TNFRSF1B: variants seen among roughly 807,000 people sequenced by gnomAD.
The protein encoded by TNFRSF1B is tumor necrosis factor receptor superfamily member 1B.
In TNFRSF1B, 19 loss-of-function variants were observed where a neutral mutation model predicts 44.6. That is an observed-to-expected ratio of 0.43 (90% CI 0.30 to 0.62). TNFRSF1B has a LOEUF of 0.62. Ranked by LOEUF, TNFRSF1B falls within the 20% of genes least tolerant of loss-of-function variation. The pLI, the probability that TNFRSF1B is intolerant of heterozygous loss-of-function variation, is 0.16. For synonymous variants in TNFRSF1B, 252 were observed against 261.1 expected (o/e 0.97, Z 0.34); for missense variants, 541 against 619.9 (o/e 0.87, Z 1.35).
At chr1:12,181,045 G>A (rs539773151) in intron 1 of TNFRSF1B, among the ~76,000 whole-genome samples, 1 of 152,090 alleles carries the variant, frequency 6.6e-6, no homozygotes, top group Non-Finnish European at 1.5e-5. Context: ...TCACAGCAGC[G>A]GGCCTGCCAT....
At chr1:12,192,825 C>A (rs1639177132) in intron 5 of TNFRSF1B, 38 bp from the exon 6 acceptor site, 3 of 1,564,992 alleles carry the variant, frequency 1.9e-6, no homozygotes, top group Non-Finnish European at 8.7e-7. Context: ...GCCACTCTGT[C>A]CCCTGCTGCC....
intron 8 of TNFRSF1B, among the ~76,000 whole-genome samples, chr1:12,197,891 C>T (rs955869626): frequency 1.4e-4 from 21 of 152,090 alleles, no homozygotes; most frequent in South Asian, 8.3e-4. Flanking sequence ...TTTGGGAGGC[C>T]GAGGGGGGCG....
rs1639350751 is a variant in TNFRSF1B at position 12,199,925 on chromosome 1, T to C, written c.901-2042T>C. ...GGATCAGAAAACAATCGCTTAGAATTCCAAGGCAAGGGTGTGAGCGCCTGG... is the reference window on the plus strand; with the variant it reads ...GGATCAGAAAACAATCGCTTAGAATCCCAAGGCAAGGGTGTGAGCGCCTGG... On this transcript the variant is annotated intron_variant, in intron 8 of 9. Coordinates refer to ENST00000376259, the MANE Select transcript of TNFRSF1B (RefSeq NM_001066.3). The surrounding 1 kb of genome is among the most constrained non-coding windows in gnomAD (Gnocchi z 4.0). Among the ~76,000 whole-genome samples the C allele has an allele frequency of 6.6e-6, 1 of 152,136 alleles. No individual in the cohort carries two copies. The highest frequency in any genetic ancestry group is 1.5e-5 in the Non-Finnish European group (1 of 68,032).
Position 12,193,984 on chromosome 1 carries a change from C to G in TNFRSF1B, c.817C>G (p.Leu273Val). ...GATTGTGGGTGTGACAGCCTTGGGTCTACTAATAATAGGAGTGGTGAACTG... is the reference window on the plus strand; with the variant it reads ...GATTGTGGGTGTGACAGCCTTGGGTGTACTAATAATAGGAGTGGTGAACTG... The part of the protein sequence containing the change: ...GLIVGVTALG[L>V]LIIGVVNCVI... The change falls in exon 7 of 10, where the codon CTA becomes GTA. Residue 273 changes from leucine (L) to valine (V), a missense_variant. Physicochemically the swap from Leu to Val is conservative, Grantham distance 32. Coordinates refer to ENST00000376259, the MANE Select transcript of TNFRSF1B (RefSeq NM_001066.3). 6.2e-7 allele frequency: 1 copy of G among 1,613,994 alleles called. No homozygotes were observed. The highest frequency in any genetic ancestry group is 8.5e-7 in the Non-Finnish European group (1 of 1,179,948).
Position 12,167,184 on chromosome 1 carries a change from C to T in TNFRSF1B, c.78+15C>T, listed in dbSNP as rs1342004954. The T allele has an allele frequency of 2.4e-6, 3 of 1,260,380 alleles. No individual in the cohort carries two copies. Among genetic ancestry groups the T allele is most frequent in the Admixed American group, 8.4e-5 (2 of 23,908 alleles). The allele number at this position is 1,260,380 out of a possible 1,614,324, so 78.1% of individuals were successfully genotyped here. ...TGCCCGCCCAGGTGGGTGACTCGCG[C>T]GGCCCACGGGGGACAGCCGCCCCGC... is the stretch of plus-strand genomic sequence containing the variant. On this transcript the variant is annotated intron_variant, in intron 1 of 9. Coordinates refer to ENST00000376259, the MANE Select transcript of TNFRSF1B (RefSeq NM_001066.3).
At chr1:12,176,174 G>A (rs763981282) in intron 1 of TNFRSF1B, among the ~76,000 whole-genome samples, 1 of 152,088 alleles carries the variant, frequency 6.6e-6, no homozygotes, top group South Asian at 2.1e-4. Flanking sequence ...AGCTGAGATC[G>A]CACCATTGCA....
intron 1 of TNFRSF1B, among the ~76,000 whole-genome samples, chr1:12,188,242 A>C (rs1639030353): frequency 6.6e-6 from 1 of 152,218 alleles, no homozygotes; most frequent in Non-Finnish European, 1.5e-5. Context: ...AAGGACAAGC[A>C]AGTAACCATT....
At chr1:12,206,117 G>A (rs1185731325) in intron 9 of TNFRSF1B, among the ~76,000 whole-genome samples, 1 of 152,180 alleles carries the variant, frequency 6.6e-6, no homozygotes, top group Non-Finnish European at 1.5e-5. Flanking sequence ...GCTGAGCACG[G>A]TGGCTCACAC....
rs901199236 is a variant in TNFRSF1B, at chr1:12,186,356, A to G, written c.79-2440A>G. 4.6e-5 allele frequency among the ~76,000 whole-genome samples: 7 copies of G among 152,160 alleles called. No homozygotes were observed. Among genetic ancestry groups the G allele is most frequent in the Non-Finnish European group, 8.8e-5 (6 of 68,010 alleles). On this transcript the variant is annotated intron_variant, in intron 1 of 9. Coordinates refer to ENST00000376259, the MANE Select transcript of TNFRSF1B (RefSeq NM_001066.3). This position sits in a 1 kb window ranked among gnomAD's most constrained non-coding sequence, Gnocchi z 4.8. ...GGGGAGGAGGAGGCACACTGAACCC[A>G]CCTGCTACGTTGGCTGGTGGAAATT...
rs17883924 is a variant in TNFRSF1B at position 12,174,738 on chromosome 1, C to T, written c.78+7569C>T. Among the ~76,000 whole-genome samples the T allele has an allele frequency of 6.0e-3, 916 of 152,284 alleles. 5 individuals carry two copies. Among genetic ancestry groups the T allele is most frequent in the Non-Finnish European group, 9.1e-3 (622 of 68,020 alleles). Reference sequence around the variant, plus strand: ...CAGGAGGGCCAGCTGCCCTCCCTACCCCCTCTTTTGGACACTAGTGGGCAT... The same window carrying T: ...CAGGAGGGCCAGCTGCCCTCCCTACTCCCTCTTTTGGACACTAGTGGGCAT... On this transcript the variant is annotated intron_variant, in intron 1 of 9. Coordinates refer to ENST00000376259, the MANE Select transcript of TNFRSF1B (RefSeq NM_001066.3).
intron 1 of TNFRSF1B, among the ~76,000 whole-genome samples, chr1:12,170,865 G>A (rs1389893416): frequency 6.6e-6 from 1 of 150,462 alleles, no homozygotes; most frequent in Non-Finnish European, 1.5e-5. Context: ...TAGTAGAGTC[G>A]GGGTTTCACC....
rs1178233701 is a variant in TNFRSF1B, at chr1:12,186,061, G to A, written c.79-2735G>A. ...GAAGCACCAGGCCATTCCAGGCATAGAAATCAGCTGGGGTGCAAAGGCCTG... is the reference window on the plus strand; with the variant it reads ...GAAGCACCAGGCCATTCCAGGCATAAAAATCAGCTGGGGTGCAAAGGCCTG... On this transcript the variant is annotated intron_variant, in intron 1 of 9. Coordinates refer to ENST00000376259, the MANE Select transcript of TNFRSF1B (RefSeq NM_001066.3). This position sits in a 1 kb window ranked among gnomAD's most constrained non-coding sequence, Gnocchi z 4.8. 6.6e-6 allele frequency among the ~76,000 whole-genome samples: 1 copy of A among 152,200 alleles called. No homozygotes were observed. The highest frequency in any genetic ancestry group is 1.9e-4 in the East Asian group (1 of 5,192).
chr1:12,192,030 C>T, intron 4 of TNFRSF1B, 107 bp downstream of exon 4: 2 of 1,436,068 alleles, frequency 1.4e-6, no homozygotes, highest in African/African-American at 2.8e-5. Flanking sequence ...GCAGGGAGCA[C>T]TGTTAGTGGT....
rs1056678985 is a variant in TNFRSF1B, at chr1:12,183,472, CTA to C, written c.79-5322_79-5321del. ...TCTCTCTCTCTCTCTCTCTCTCTCTCTATGTATATATGTATAGCTATCTATTG... is the reference window on the plus strand; with the variant it reads ...TCTCTCTCTCTCTCTCTCTCTCTCTCTGTATATATGTATAGCTATCTATTG... On this transcript the variant is annotated intron_variant, in intron 1 of 9. Transcript: ENST00000376259. 1.4e-4 allele frequency among the ~76,000 whole-genome samples: 20 copies of C among 138,238 alleles called. No individual in the cohort carries two copies. The East Asian group carries it at 4.4e-3, about 31-fold the overall frequency. The allele number at this position is 138,238 out of a possible 152,430, so 90.7% of individuals were successfully genotyped here.
chr1:12,170,032 C>T (rs1296723481), intron 1 of TNFRSF1B, among the ~76,000 whole-genome samples: 1 of 152,194 alleles, frequency 6.6e-6, no homozygotes, highest in Non-Finnish European at 1.5e-5. Context: ...GGGGGCTCTT[C>T]CCTCCTTCCA....
intron 1 of TNFRSF1B, among the ~76,000 whole-genome samples, chr1:12,181,982 A>G (rs1317190342): frequency 6.6e-6 from 1 of 152,168 alleles, no homozygotes; most frequent in East Asian, 1.9e-4. Context: ...CTCTCATTTT[A>G]CAGGCAGAGA....
chr1:12,199,017 G>A lies in TNFRSF1B; in HGVS notation c.901-2950G>A, dbSNP rs1044770587. On this transcript the variant is annotated intron_variant, in intron 8 of 9. Transcript: ENST00000376259. The surrounding 1 kb of genome is among the most constrained non-coding windows in gnomAD (Gnocchi z 4.0). ...CCTGGGATCCTGTGTTTTGAATGAG[G>A]CTCCTCAGTACTCGGCTCTACTGGG... 6.6e-6 allele frequency among the ~76,000 whole-genome samples: 1 copy of A among 152,062 alleles called. No individual in the cohort carries two copies. Among genetic ancestry groups the A allele is most frequent in the Non-Finnish European group, 1.5e-5 (1 of 68,010 alleles).
Position 12,168,058 on chromosome 1 carries a change from A to G in TNFRSF1B, c.78+889A>G, listed in dbSNP as rs1182900628. On this transcript the variant is annotated intron_variant, in intron 1 of 9. Transcript: ENST00000376259. This position sits in a 1 kb window ranked among gnomAD's most constrained non-coding sequence, Gnocchi z 4.7. ...ATGGTTTGGTAAGATAAGATAAACC[A>G]TTTTTTAGAGAAGGAAAACTGAGGC... is the stretch of plus-strand genomic sequence containing the variant. Among the ~76,000 whole-genome samples the G allele has an allele frequency of 6.6e-6, 1 of 152,214 alleles. No individual in the cohort carries two copies. Among genetic ancestry groups the G allele is most frequent in the Non-Finnish European group, 1.5e-5 (1 of 68,028 alleles).
intron 6 of TNFRSF1B, 29 bp downstream of exon 6, chr1:12,193,127 C>T (rs2101110502): frequency 6.5e-7 from 1 of 1,544,704 alleles, no homozygotes. Context: ...CATTCATTCA[C>T]TCCTTCTGTC....
Sources: allele counts gnomAD v4.1 joint callset (sites outside exome capture counted in the v4.1 genomes callset), GRCh38; gene constraint gnomAD v4.1.1; non-coding constraint Gnocchi (gnomAD v3.1); transcripts MANE v1.5; gene names NCBI Gene and HGNC (gene_info 2026-07-23, HGNC 2026-07-21).